LDLRAD3: variants seen among roughly 807,000 people sequenced by gnomAD.
LDLRAD3 encodes low density lipoprotein receptor class A domain containing 3, also known as low-density lipoprotein receptor class A domain-containing protein 3.
Under a neutral mutation model 29.4 loss-of-function variants are expected in LDLRAD3, and 20 were observed. The observed-to-expected ratio is 0.68, with a 90% CI of 0.48 to 0.99. The LOEUF is 0.99. Among genes scored for constraint, LDLRAD3 ranks in the 50% least tolerant of loss-of-function variants. The pLI is 0.00. For missense variants in LDLRAD3, 420 were observed against 454.3 expected, an observed-to-expected ratio of 0.92 and a Z score of 0.69; for synonymous variants, 157 against 192.7, an observed-to-expected ratio of 0.81 and a Z score of 1.53.
At chr11:36,025,206 A>G (rs576897861) in intron 1 of LDLRAD3, among the ~76,000 whole-genome samples, 21 of 152,190 alleles carry the variant, frequency 1.4e-4, no homozygotes, top group East Asian at 5.8e-4. Context: ...AAATGCTTCC[A>G]TATGTCTTTC....
At chr11:36,009,681 C>T (rs1851930589) in intron 1 of LDLRAD3, among the ~76,000 whole-genome samples, 1 of 152,144 alleles carries the variant, frequency 6.6e-6, no homozygotes, top group Admixed American at 6.5e-5. Context: ...TGCTGATTTG[C>T]TTACCGAAAG....
At chr11:36,124,270 A>T (rs7108243) in intron 4 of LDLRAD3, among the ~76,000 whole-genome samples, 16 of 151,572 alleles carry the variant, frequency 1.1e-4, no homozygotes, top group Non-Finnish European at 2.4e-4. Flanking sequence ...TAGGAAGGCT[A>T]TTGAATACAT....
chr11:36,160,783 G>T (rs1303901424), intron 4 of LDLRAD3, among the ~76,000 whole-genome samples: 2 of 152,148 alleles, frequency 1.3e-5, no homozygotes, highest in East Asian at 1.9e-4. Context: ...ACTCGAAATG[G>T]AAACAGGATC....
intron 4 of LDLRAD3, among the ~76,000 whole-genome samples, chr11:36,154,304 G>A (rs1042451701): frequency 1.3e-5 from 2 of 152,182 alleles, no homozygotes; most frequent in African/African-American, 4.8e-5. Flanking sequence ...TACCCAGCCT[G>A]CGGGTGAGCC....
chr11:35,960,027 T>C (rs1364864845), intron 1 of LDLRAD3, among the ~76,000 whole-genome samples: 2 of 152,214 alleles, frequency 1.3e-5, no homozygotes, highest in African/African-American at 2.4e-5. Context: ...TATCCCCAAA[T>C]TGGCATATAT....
At chr11:36,122,603 T>C (rs1351201707) in intron 4 of LDLRAD3, among the ~76,000 whole-genome samples, 1 of 152,212 alleles carries the variant, frequency 6.6e-6, no homozygotes, top group Non-Finnish European at 1.5e-5. Context: ...GGAACTGTTT[T>C]AGGTGCTGGG....
intron 4 of LDLRAD3, among the ~76,000 whole-genome samples, chr11:36,114,145 G>A (rs959727569): frequency 3.3e-5 from 5 of 152,222 alleles, no homozygotes; most frequent in Non-Finnish European, 4.4e-5. Context: ...AGCATGGGCT[G>A]TAGGTTTTTT....
intron 1 of LDLRAD3, among the ~76,000 whole-genome samples, chr11:36,033,470 A>G (rs1298193782): frequency 1.3e-5 from 2 of 152,202 alleles, no homozygotes; most frequent in African/African-American, 4.8e-5. Context: ...TAATCTGGCC[A>G]ATTTTCCCGC....
intron 2 of LDLRAD3, among the ~76,000 whole-genome samples, chr11:36,039,451 G>T (rs1054627249): frequency 6.6e-6 from 1 of 150,882 alleles, no homozygotes; most frequent in African/African-American, 2.5e-5. Context: ...TAACCTCCTG[G>T]TGCCTCAATT....
At position 35,996,943 on chromosome 11, in the gene LDLRAD3, G is replaced by T. The variant is rs553790867; in HGVS notation, c.47-39160G>T. On this transcript the variant is annotated intron_variant, in intron 1 of 5. Transcript: ENST00000315571. ...ACTCCTCCATGCAGCTTTGGGAATG[G>T]GTTAACCATGTACCTTTGGGAATAT... Among the ~76,000 whole-genome samples, 12 of 152,208 alleles carry T rather than the reference G, an allele frequency of 7.9e-5. No individual in the cohort carries two copies. The South Asian group carries it at 2.3e-3, about 29-fold the overall frequency.
At chr11:36,167,116 G>A (rs1239577455) in intron 4 of LDLRAD3, among the ~76,000 whole-genome samples, 2 of 152,100 alleles carry the variant, frequency 1.3e-5, no homozygotes, top group African/African-American at 4.8e-5. Flanking sequence ...GCAGTTGTTC[G>A]GGGCTAGCTA....
At position 35,969,260 on chromosome 11, in the gene LDLRAD3, A is replaced by G. The variant is rs137954545; in HGVS notation, c.46+25116A>G. On this transcript the variant is annotated intron_variant, in intron 1 of 5. Coordinates refer to ENST00000315571, the MANE Select transcript of LDLRAD3 (RefSeq NM_174902.4). ...AAGGGGCTTCCCCTGAAAACTCATA[A>G]TAGAATCTTTGAACAGCTGCCCAAG... 4.8e-3 allele frequency among the ~76,000 whole-genome samples: 729 copies of G among 152,268 alleles called. 9 individuals are homozygous for G. The highest frequency in any genetic ancestry group is 0.016 in the African/African-American group (680 of 41,564).
Position 35,944,281 on chromosome 11 carries a change from C to T in LDLRAD3, c.46+137C>T. The T allele has an allele frequency of 4.7e-6, 2 of 422,662 alleles. No individual in the cohort carries two copies. The highest frequency in any genetic ancestry group is 1.9e-4 in the South Asian group (2 of 10,764). 26.2% of individuals were successfully genotyped at this position (422,662 alleles called of 1,614,324 possible). Reference sequence around the variant, plus strand: ...GTGGGTGAGCGCGGAGGGCGGACCCCGGCGCCGGGCTGGCCCGGACCCTGC... The same window carrying T: ...GTGGGTGAGCGCGGAGGGCGGACCCTGGCGCCGGGCTGGCCCGGACCCTGC... On this transcript the variant is annotated intron_variant, in intron 1 of 5. Coordinates refer to ENST00000315571, the MANE Select transcript of LDLRAD3 (RefSeq NM_174902.4). The surrounding 1 kb of genome is among the most constrained non-coding windows in gnomAD (Gnocchi z 4.9).
chr11:36,095,394 G>A (rs879559864), intron 3 of LDLRAD3, among the ~76,000 whole-genome samples: 9 of 152,262 alleles, frequency 5.9e-5, no homozygotes, highest in Admixed American at 2.6e-4. Flanking sequence ...AGTGTGGCAC[G>A]TCATCACCAG....
intron 4 of LDLRAD3, among the ~76,000 whole-genome samples, chr11:36,162,557 T>G (rs1017638900): frequency 1.3e-5 from 2 of 152,202 alleles, no homozygotes; most frequent in Non-Finnish European, 2.9e-5. Flanking sequence ...TGCACATGAC[T>G]GAGGGGAGGC....
At chr11:36,103,744 T>A (rs1853485942) in intron 4 of LDLRAD3, among the ~76,000 whole-genome samples, 1 of 152,238 alleles carries the variant, frequency 6.6e-6, no homozygotes, top group South Asian at 2.1e-4. Flanking sequence ...AGTCCCTCTG[T>A]AGGCCGTTTG....
At chr11:36,139,532 G>A (rs942842299) in intron 4 of LDLRAD3, among the ~76,000 whole-genome samples, 2 of 152,138 alleles carry the variant, frequency 1.3e-5, no homozygotes, top group African/African-American at 2.4e-5. Context: ...AGCACCTGAT[G>A]TTTTTCAGTC....
At chr11:36,108,962 G>A (rs1231626385) in intron 4 of LDLRAD3, among the ~76,000 whole-genome samples, 2 of 152,046 alleles carry the variant, frequency 1.3e-5, no homozygotes, top group African/African-American at 4.8e-5. Flanking sequence ...AGGGTAAGGG[G>A]GGATTCTGAC....
intron 4 of LDLRAD3, among the ~76,000 whole-genome samples, chr11:36,195,871 C>A (rs148524062): frequency 6.6e-6 from 1 of 152,168 alleles, no homozygotes; most frequent in African/African-American, 2.4e-5. Flanking sequence ...AATTCAGATA[C>A]CTCTGGGTCT....
Sources: gnomAD v4.1 joint callset for allele counts (sites outside exome capture counted in the v4.1 genomes callset) on GRCh38, gnomAD v4.1.1 for gene constraint, Gnocchi (gnomAD v3.1) non-coding constraint, MANE v1.5 for transcripts, NCBI Gene and HGNC (gene_info 2026-07-23, HGNC 2026-07-21) for gene names.